Variants in ZNF385D observed in about 807,000 individuals in gnomAD.
The protein encoded by ZNF385D is zinc finger protein 659.
A neutral mutation model predicts 35.8 loss-of-function variants in ZNF385D; 15 were observed. The ratio of observed to expected loss-of-function variants is 0.42; its 90% CI spans 0.28 to 0.64. The LOEUF is 0.64. Ranked by LOEUF, ZNF385D falls within the 30% of genes least tolerant of loss-of-function variation. The pLI is 0.23. For synonymous variants in ZNF385D, 212 were observed against 186.8 expected (o/e 1.13, Z -1.10); for missense variants, 474 against 494.6 (o/e 0.96, Z 0.39).
intron 1 of ZNF385D, among the ~76,000 whole-genome samples, chr3:21,747,508 C>T (rs1342324562): frequency 1.3e-5 from 2 of 152,190 alleles, no homozygotes; most frequent in Admixed American, 6.5e-5. Context: ...GACATGGCAT[C>T]TCTCTGGCCA....
intron 3 of ZNF385D, among the ~76,000 whole-genome samples, chr3:21,878,967 T>C (rs1698126759): frequency 1.3e-5 from 2 of 152,022 alleles, no homozygotes; most frequent in Non-Finnish European, 2.9e-5. Context: ...CATGTACATT[T>C]GGAGAGCAGG....
At chr3:22,178,212 G>T (rs1258871867) in intron 2 of ZNF385D, among the ~76,000 whole-genome samples, 1 of 152,194 alleles carries the variant, frequency 6.6e-6, no homozygotes, top group Non-Finnish European at 1.5e-5. Context: ...CAGTGTAAAA[G>T]TGTTCCTATT....
chr3:21,635,791 T>C (rs1056942854), intron 2 of ZNF385D, among the ~76,000 whole-genome samples: 1 of 152,134 alleles, frequency 6.6e-6, no homozygotes, highest in Non-Finnish European at 1.5e-5. Context: ...CTCCCACTTA[T>C]GAGTGAGAAC....
chr3:21,871,905 G>A (rs927919161), intron 3 of ZNF385D, among the ~76,000 whole-genome samples: 3 of 151,968 alleles, frequency 2.0e-5, no homozygotes, highest in Non-Finnish European at 4.4e-5. Flanking sequence ...GCTGAGACAG[G>A]AGAATCACTT....
At chr3:22,229,464 T>G (rs1033885262) in intron 2 of ZNF385D, among the ~76,000 whole-genome samples, 6 of 152,170 alleles carry the variant, frequency 3.9e-5, no homozygotes, top group Non-Finnish European at 7.4e-5. Flanking sequence ...TTTTCAGCAT[T>G]GATATTGTTG....
chr3:21,483,133 T>C (rs1328533660), intron 4 of ZNF385D, among the ~76,000 whole-genome samples: 1 of 152,148 alleles, frequency 6.6e-6, no homozygotes, highest in Admixed American at 6.6e-5. Flanking sequence ...AATAGTTATT[T>C]GTACTACCCC....
At chr3:21,905,137 A>C (rs1025122995) in intron 3 of ZNF385D, among the ~76,000 whole-genome samples, 3 of 150,246 alleles carry the variant, frequency 2.0e-5, no homozygotes, top group African/African-American at 7.3e-5. Context: ...TTGGATATTT[A>C]CAAGATAAAT....
chr3:22,217,222 C>A (rs34101349), intron 2 of ZNF385D, among the ~76,000 whole-genome samples: 29,479 of 152,042 alleles, frequency 0.19, 3,700 homozygotes, highest in East Asian at 0.43. Context: ...ATTCTTTCTG[C>A]CTTGCTCACT....
At chr3:21,508,844 A>G (rs1215397420) in intron 4 of ZNF385D, among the ~76,000 whole-genome samples, 1 of 152,024 alleles carries the variant, frequency 6.6e-6, no homozygotes, top group Non-Finnish European at 1.5e-5. Flanking sequence ...ACTTGGATAA[A>G]CTCTCTTTAA....
intron 2 of ZNF385D, among the ~76,000 whole-genome samples, chr3:21,593,781 TA>T (rs945912406): frequency 1.3e-3 from 184 of 145,252 alleles, no homozygotes; most frequent in Middle Eastern, 3.6e-3. Context: ...AAAAAGAGGT[TA>T]AAAAAAAAAA....
chr3:22,117,574 ATT>A (rs140745942), intron 3 of ZNF385D, among the ~76,000 whole-genome samples: 1 of 149,514 alleles, frequency 6.7e-6, no homozygotes, highest in African/African-American at 2.5e-5. Context: ...TTATTCCACT[ATT>A]TTTTTTTTAC....
At chr3:22,247,807 G>A (rs918332039) in intron 2 of ZNF385D, among the ~76,000 whole-genome samples, 1 of 151,932 alleles carries the variant, frequency 6.6e-6, no homozygotes, top group African/African-American at 2.4e-5. Flanking sequence ...GTTTCACCAT[G>A]TTGGCCAGGA....
At chr3:21,441,876 G>T in intron 4 of ZNF385D, 1 of 278,586 alleles carries the variant, frequency 3.6e-6, no homozygotes, top group Non-Finnish European at 5.4e-6. Flanking sequence ...AATAATGGGT[G>T]AAATTCAGTG....
At chr3:22,200,503 A>G (rs889181730) in intron 2 of ZNF385D, among the ~76,000 whole-genome samples, 1 of 152,098 alleles carries the variant, frequency 6.6e-6, no homozygotes, top group Non-Finnish European at 1.5e-5. Flanking sequence ...AGTCAAATGG[A>G]GGCAGGGCAA....
rs531257568 is a variant in ZNF385D, at chr3:21,585,275, T to G, written c.166-20591A>C. Among the ~76,000 whole-genome samples, 10 of 152,306 alleles carry G rather than the reference T, an allele frequency of 6.6e-5. No individual in the cohort carries two copies. In the South Asian group the frequency reaches 2.1e-3, roughly 32 times the overall value. On this transcript the variant is annotated intron_variant, in intron 2 of 7. Transcript: ENST00000281523. ...AACATTTTGCCATCAAGAACATGAT[T>G]TAGGATCATGTCACTTCCTCTGAAA... is the stretch of plus-strand genomic sequence containing the variant.
intron 2 of ZNF385D, among the ~76,000 whole-genome samples, chr3:22,298,724 A>T (rs1412279326): frequency 1.3e-5 from 2 of 150,930 alleles, no homozygotes; most frequent in African/African-American, 2.4e-5. Flanking sequence ...AAAAAAAATA[A>T]AATGATCTAA....
intron 3 of ZNF385D, among the ~76,000 whole-genome samples, chr3:22,037,606 T>G (rs1275526344): frequency 2.6e-5 from 4 of 152,198 alleles, no homozygotes; most frequent in Non-Finnish European, 4.4e-5. Context: ...TTCTGGATAT[T>G]AGCCCTTTGT....
chr3:22,022,020 G>C (rs532173005), intron 3 of ZNF385D, among the ~76,000 whole-genome samples: 1 of 152,048 alleles, frequency 6.6e-6, no homozygotes, highest in Non-Finnish European at 1.5e-5. Context: ...CAGAATAAAG[G>C]CTACGTGGTT....
At chr3:21,631,878 C>G (rs571774500) in intron 2 of ZNF385D, among the ~76,000 whole-genome samples, 1 of 152,106 alleles carries the variant, frequency 6.6e-6, no homozygotes, top group East Asian at 1.9e-4. Flanking sequence ...GCAATCTCAT[C>G]ATGTTCCTGG....
Sources: gnomAD v4.1 joint callset for allele counts (sites outside exome capture counted in the v4.1 genomes callset) on GRCh38, gnomAD v4.1.1 for gene constraint, MANE v1.5 for transcripts, NCBI Gene and HGNC (gene_info 2026-07-23, HGNC 2026-07-21) for gene names.